Variants in TTLL11 observed in about 807,000 individuals in gnomAD.
TTLL11 encodes the protein tubulin polyglutamylase TTLL11.
A neutral mutation model predicts 51.7 loss-of-function variants in TTLL11; 42 were observed. The observed-to-expected ratio is 0.81, with a 90% CI of 0.64 to 1.05. TTLL11 has a LOEUF of 1.05. TTLL11 is among the 50% of genes least tolerant of loss of function. The pLI is 0.00. For synonymous variants in TTLL11, 381 were observed against 383.5 expected (o/e 0.99, Z 0.08); for missense variants, 799 against 940.4 (o/e 0.85, Z 1.97).
chr9:121,895,620 C>T (rs1411854586), intron 6 of TTLL11, among the ~76,000 whole-genome samples: 1 of 134,886 alleles, frequency 7.4e-6, no homozygotes, highest in Non-Finnish European at 1.6e-5. Flanking sequence ...TCTGTGTGAA[C>T]ATGTGGTCAT....
intron 8 of TTLL11, among the ~76,000 whole-genome samples, chr9:121,823,849 G>A (rs982855842): frequency 6.6e-6 from 1 of 152,174 alleles, no homozygotes; most frequent in Non-Finnish European, 1.5e-5. Flanking sequence ...CCCTGGTTTT[G>A]TCTTATAAGC....
chr9:121,884,988 T>G (rs969749699), intron 6 of TTLL11: 8 of 152,236 alleles, frequency 5.3e-5, no homozygotes, highest in Non-Finnish European at 1.0e-4. Flanking sequence ...TACCCACTTC[T>G]GTTTTCTGTT....
At chr9:122,016,056 G>A (rs989562646) in intron 3 of TTLL11, among the ~76,000 whole-genome samples, 3 of 152,114 alleles carry the variant, frequency 2.0e-5, no homozygotes, top group Admixed American at 6.5e-5. Context: ...ACAACAAGGT[G>A]TTGTTGAGAA....
At chr9:122,062,279 C>T (rs1845457242) in intron 1 of TTLL11, among the ~76,000 whole-genome samples, 1 of 151,996 alleles carries the variant, frequency 6.6e-6, no homozygotes. Context: ...TTTAAGAAGC[C>T]CTCTGGGGGA....
At chr9:121,896,037 G>C (rs1329913853) in intron 6 of TTLL11, among the ~76,000 whole-genome samples, 1 of 143,750 alleles carries the variant, frequency 7.0e-6, no homozygotes, top group African/African-American at 2.6e-5. Context: ...TGAATGTGTG[G>C]TTGTGTACAT....
chr9:122,093,203 G>T lies in TTLL11; in HGVS notation c.-55C>A. 1 of 1,490,040 alleles carries T rather than the reference G, an allele frequency of 6.7e-7. No homozygotes were observed. The highest frequency in any genetic ancestry group is 8.9e-7 in the Non-Finnish European group (1 of 1,129,250). The allele number at this position is 1,490,040 out of a possible 1,614,324, so 92.3% of individuals were successfully genotyped here. On this transcript the variant is annotated 5_prime_UTR_variant, in exon 1 of 9. Transcript: ENST00000321582. ...CCACCGCCGCCGCCGCCGCCGCTCC[G>T]CCGCCCCAGTCCGCCACCAAACTGC...
chr9:121,858,137 C>T (rs972939607), intron 8 of TTLL11, among the ~76,000 whole-genome samples: 1 of 152,258 alleles, frequency 6.6e-6, no homozygotes, highest in Non-Finnish European at 1.5e-5. Flanking sequence ...TCTCACGCCT[C>T]TCCTGGTTGC....
At position 121,989,660 on chromosome 9, in the gene TTLL11, G is replaced by C; in HGVS notation, c.804C>G (p.Ile268Met). The C allele has an allele frequency of 6.2e-7, 1 of 1,614,168 alleles. No homozygotes were observed. Reference protein sequence around the residue: ...GIYLIKDPSDIRLAGTLQSRP... With the variant: ...GIYLIKDPSDMRLAGTLQSRP... ...TGCTCTGGAGGGTCCCTGCCAGGCG[G>C]ATGTCACTGGGGTCTTTAATGAGGT... Residue 268 changes from isoleucine (I) to methionine (M), a missense_variant, in exon 4 of 9, where the codon ATC becomes ATG. This residue lies in a region of TTLL11 where 468 missense variants were observed against 612.8 expected (regional missense o/e 0.76). Coordinates refer to ENST00000321582, the MANE Select transcript of TTLL11 (RefSeq NM_001139442.2). This position sits in a 1 kb window ranked among gnomAD's most constrained non-coding sequence, Gnocchi z 4.2.
intron 6 of TTLL11, among the ~76,000 whole-genome samples, chr9:121,935,964 G>A (rs572464298): frequency 6.6e-6 from 1 of 152,220 alleles, no homozygotes; most frequent in African/African-American, 2.4e-5. Context: ...CCGCTTCTGG[G>A]AAAAGCAGCC....
intron 7 of TTLL11, 124 bp downstream of exon 7, chr9:121,870,373 A>G (rs1329824743): frequency 1.5e-6 from 2 of 1,291,480 alleles, no homozygotes; most frequent in Non-Finnish European, 2.1e-6. Context: ...ATCCAAGCTC[A>G]AATGGGGTAC....
At chr9:121,920,747 ACT>A (rs1313805718) in intron 6 of TTLL11, among the ~76,000 whole-genome samples, 2 of 151,996 alleles carry the variant, frequency 1.3e-5, no homozygotes, top group African/African-American at 4.8e-5. Flanking sequence ...ATTGGATAAG[ACT>A]CTATCCCCTG....
At chr9:122,034,198 C>T (rs1049841795) in intron 2 of TTLL11, among the ~76,000 whole-genome samples, 10 of 152,250 alleles carry the variant, frequency 6.6e-5, no homozygotes, top group Non-Finnish European at 1.2e-4. Flanking sequence ...CGAAATCCCT[C>T]AGCAGGTCAG....
intron 3 of TTLL11, among the ~76,000 whole-genome samples, chr9:122,017,869 T>G (rs1844035450): frequency 6.6e-6 from 1 of 152,218 alleles, no homozygotes; most frequent in South Asian, 2.1e-4. Context: ...AAAGAATGGA[T>G]AGAATAATCC....
At chr9:122,035,912 A>AACCATGGTAGGCCACTTGCCT (rs750055299) in intron 2 of TTLL11, among the ~76,000 whole-genome samples, 2 of 152,076 alleles carry the variant, frequency 1.3e-5, no homozygotes, top group Non-Finnish European at 2.9e-5. Context: ...GACGCCCTCT[A>AACCATGGTAGGCCACTTGCCT]ACCATGGTAG....
rs1839319896 is a variant in TTLL11 at position 121,893,144 on chromosome 9, C to T, written c.1482-22396G>A. ...TATTATTTCTTTTTCCTATTTTATG[C>T]CTTTAAGTTTATTTCCTATTTTCCT... On this transcript the variant is annotated intron_variant, in intron 6 of 8. Coordinates refer to ENST00000321582, the MANE Select transcript of TTLL11 (RefSeq NM_001139442.2). Among the ~76,000 whole-genome samples, 2 of 152,050 alleles carry T rather than the reference C, an allele frequency of 1.3e-5. 1 individual carries two copies. Among genetic ancestry groups the T allele is most frequent in the South Asian group, 4.1e-4 (2 of 4,828 alleles).
Position 121,822,374 on chromosome 9 carries a change from A to G in TTLL11, c.*213T>C. ...GTCCGATGACTGATGACTCAGAAAC[A>G]GGGTGTATCACCAGGAGGTGTGAGG... On this transcript the variant is annotated 3_prime_UTR_variant, in exon 9 of 9. Transcript: ENST00000321582. This position sits in a 1 kb window ranked among gnomAD's most constrained non-coding sequence, Gnocchi z 5.8. 2.3e-6 allele frequency: 1 copy of G among 432,882 alleles called. No homozygotes were observed. The highest frequency in any genetic ancestry group is 4.1e-6 in the Non-Finnish European group (1 of 244,356). The allele number at this position is 432,882 out of a possible 1,614,324, so 26.8% of individuals were successfully genotyped here.
intron 3 of TTLL11, among the ~76,000 whole-genome samples, chr9:122,014,595 T>C (rs957845748): frequency 6.6e-6 from 1 of 152,136 alleles, no homozygotes; most frequent in African/African-American, 2.4e-5. Flanking sequence ...AAGCCAAGAC[T>C]ATATGTTTTG....
At chr9:122,073,223 A>C (rs1845773625) in intron 1 of TTLL11, among the ~76,000 whole-genome samples, 1 of 152,126 alleles carries the variant, frequency 6.6e-6, no homozygotes, top group African/African-American at 2.4e-5. Flanking sequence ...CACCCTGGGC[A>C]ACATAGTGAA....
At chr9:122,065,921 C>A (rs772561721) in intron 1 of TTLL11, among the ~76,000 whole-genome samples, 1 of 152,178 alleles carries the variant, frequency 6.6e-6, no homozygotes, top group Non-Finnish European at 1.5e-5. Flanking sequence ...AAGAGACACT[C>A]ACAGGCACAA....
Sources: gnomAD v4.1 joint callset for allele counts (sites outside exome capture counted in the v4.1 genomes callset) on GRCh38, gnomAD v4.1.1 for gene constraint, gnomAD v4.1.1 regional missense constraint, Gnocchi (gnomAD v3.1) non-coding constraint, MANE v1.5 for transcripts, NCBI Gene and HGNC (gene_info 2026-07-23, HGNC 2026-07-21) for gene names.